The following SLC15A4 variants were observed in gnomAD, a reference collection of about 807,000 sequenced individuals.
SLC15A4 encodes the protein hPHT1.
Under a neutral mutation model 46.1 loss-of-function variants are expected in SLC15A4, and 26 were observed. The observed-to-expected ratio is 0.56, with a 90% CI of 0.41 to 0.78. SLC15A4 has a LOEUF of 0.78. SLC15A4 is among the 30% of genes least tolerant of loss of function. SLC15A4 has a pLI of 0.00. For missense variants in SLC15A4, 751 were observed against 755.7 expected, an observed-to-expected ratio of 0.99 and a Z score of 0.07; for synonymous variants, 370 against 333.4, an observed-to-expected ratio of 1.11 and a Z score of -1.20.
chr12:128,818,899 C>T (rs571186808), intron 1 of SLC15A4, among the ~76,000 whole-genome samples: 6 of 152,178 alleles, frequency 3.9e-5, no homozygotes, highest in Non-Finnish European at 5.9e-5. Flanking sequence ...TTCATGCAGC[C>T]GAATGTTTTC....
chr12:128,806,860 T>C (rs1955595263), intron 5 of SLC15A4, among the ~76,000 whole-genome samples: 1 of 150,708 alleles, frequency 6.6e-6, no homozygotes, highest in Admixed American at 6.6e-5. Flanking sequence ...CTGACTCCAG[T>C]CAGTACATAC....
In SLC15A4 at chr12:128,806,177, A is replaced by AAAAAAG. The variant is rs757730018; in HGVS notation, c.1258+2605_1258+2610dup. ...AGAGACTCTGTCTCAAAAAAAAAAA[A>AAAAAAG]AAAAAGAAAAACCTATTACAAAAAT... On this transcript the variant is annotated intron_variant, in intron 5 of 7. Coordinates refer to ENST00000266771, the MANE Select transcript of SLC15A4 (RefSeq NM_145648.4). 1.4e-3 allele frequency among the ~76,000 whole-genome samples: 207 copies of AAAAAAG among 151,516 alleles called. 3 individuals are homozygous for AAAAAAG. Among genetic ancestry groups the AAAAAAG allele is most frequent in the Non-Finnish European group, 2.7e-3 (182 of 67,812 alleles).
chr12:128,796,210 G>A (rs981386157), intron 7 of SLC15A4, among the ~76,000 whole-genome samples: 46 of 152,014 alleles, frequency 3.0e-4, no homozygotes, highest in Admixed American at 3.0e-3. Flanking sequence ...GATCAACTGA[G>A]GTCAGGAATT....
intron 1 of SLC15A4, 89 bp downstream of exon 1, chr12:128,823,309 G>T (rs1955876392): frequency 1.6e-6 from 2 of 1,237,626 alleles, no homozygotes; most frequent in Non-Finnish European, 2.1e-6. Flanking sequence ...TCCCTCCGCG[G>T]TCAGAGGCAG....
intron 7 of SLC15A4, among the ~76,000 whole-genome samples, chr12:128,798,818 C>A (rs1483789698): frequency 6.6e-6 from 1 of 152,202 alleles, no homozygotes; most frequent in Non-Finnish European, 1.5e-5. Flanking sequence ...TACTATCTAT[C>A]TTGTCTTTTT....
At chr12:128,819,230 C>T (rs914934545) in intron 1 of SLC15A4, among the ~76,000 whole-genome samples, 7 of 151,966 alleles carry the variant, frequency 4.6e-5, no homozygotes, top group African/African-American at 1.7e-4. Flanking sequence ...ATGGTGAAAC[C>T]CCGTCTCTAT....
chr12:128,808,727 A>G (rs560337859), intron 5 of SLC15A4, 61 bp downstream of exon 5: 4 of 1,567,678 alleles, frequency 2.6e-6, no homozygotes, highest in African/African-American at 2.7e-5. Context: ...TGAGCACTAT[A>G]TTCTGAATCC....
intron 5 of SLC15A4, among the ~76,000 whole-genome samples, chr12:128,806,955 G>A (rs1955597143): frequency 6.8e-6 from 1 of 147,562 alleles, no homozygotes; most frequent in Non-Finnish European, 1.5e-5. Context: ...CCAGGCTGGA[G>A]TGCAGTGGCG....
chr12:128,819,565 GCGGT>G (rs1020884331), intron 1 of SLC15A4: 1 of 152,102 alleles, frequency 6.6e-6, no homozygotes, highest in African/African-American at 2.4e-5. Context: ...TAGCTAATAG[GCGGT>G]CTACAAACTA....
At position 128,794,363 on chromosome 12, in the gene SLC15A4, A is replaced by G. The variant is rs771236307; in HGVS notation, c.1574-7T>C. The G allele has an allele frequency of 6.2e-7, 1 of 1,603,658 alleles. No individual in the cohort carries two copies. The highest frequency in any genetic ancestry group is 1.1e-5 in the South Asian group (1 of 90,370). On this transcript the variant is annotated splice_polypyrimidine_tract_variant and splice_region_variant and intron_variant, in intron 7 of 7. Coordinates refer to ENST00000266771, the MANE Select transcript of SLC15A4 (RefSeq NM_145648.4). Reference sequence around the variant, plus strand: ...TAGCAGCCGTTAATATTACCTGGAGAAAACAAAAGGAAAGCGGCAGGTAAG... The same window carrying G: ...TAGCAGCCGTTAATATTACCTGGAGGAAACAAAAGGAAAGCGGCAGGTAAG...
intron 2 of SLC15A4, among the ~76,000 whole-genome samples, chr12:128,810,835 C>T (rs1373659358): frequency 5.3e-5 from 8 of 152,172 alleles, no homozygotes; most frequent in African/African-American, 1.9e-4. Context: ...GGCCCTATTG[C>T]ACAGAGGAAG....
rs1593010779 is a variant in SLC15A4 at position 128,809,556 on chromosome 12, G to C, written c.1012-83C>G. On this transcript the variant is annotated intron_variant, in intron 3 of 7. Coordinates refer to ENST00000266771, the MANE Select transcript of SLC15A4 (RefSeq NM_145648.4). The stretch of plus-strand genomic sequence containing the variant: ...AGCATCCTGCCCCTCCCCTAAGCTA[G>C]ACTCAGATGCGACACACAGTGACTC... 10 of 808,082 alleles carry C rather than the reference G, an allele frequency of 1.2e-5. No homozygotes were observed. In the East Asian group the frequency reaches 2.0e-4, roughly 16 times the overall value. 50.1% of individuals were successfully genotyped at this position (808,082 alleles called of 1,614,324 possible).
At chr12:128,822,944 A>T (rs1188430253) in intron 1 of SLC15A4, among the ~76,000 whole-genome samples, 1 of 152,150 alleles carries the variant, frequency 6.6e-6, no homozygotes, top group East Asian at 1.9e-4. Flanking sequence ...CGAAACTCGT[A>T]GGCTCAAGGA....
In SLC15A4 at chr12:128,823,927, C is replaced by T; in HGVS notation, c.17G>A (p.Gly6Asp). The T allele has an allele frequency of 1.5e-6, 1 of 656,202 alleles. No individual in the cohort carries two copies. The highest frequency in any genetic ancestry group is 1.9e-6 in the Non-Finnish European group (1 of 531,060). The allele number at this position is 656,202 out of a possible 1,614,324, so 40.6% of individuals were successfully genotyped here. The stretch of plus-strand genomic sequence containing the variant: ...CAGCGGCGCCCGCTCGCCCGCACCG[C>T]CCCCAGAGCCCTCCATGCGACGCCG... MEGSG[G>D]GAGERAPLLG... The change falls in exon 1 of 8, where the codon GGC (glycine) becomes GAC (aspartate). Residue 6 changes from glycine to aspartate, a missense_variant. Gly to Asp is a moderately conservative substitution (Grantham distance 94). Coordinates refer to ENST00000266771, the MANE Select transcript of SLC15A4 (RefSeq NM_145648.4).
At chr12:128,816,894 T>C (rs373496041) in intron 1 of SLC15A4, among the ~76,000 whole-genome samples, 2 of 152,336 alleles carry the variant, frequency 1.3e-5, no homozygotes, top group East Asian at 3.9e-4. Context: ...TTTGATATGG[T>C]ATTTTAAACT....
At chr12:128,813,771 T>C (rs1955699223) in intron 2 of SLC15A4, 1 of 152,224 alleles carries the variant, frequency 6.6e-6, no homozygotes, top group Non-Finnish European at 1.5e-5. Context: ...ATGAGGGGAC[T>C]GACTACAAAA....
At chr12:128,810,234 A>G in intron 2 of SLC15A4, 123 bp from the exon 3 acceptor site, 1 of 860,196 alleles carries the variant, frequency 1.2e-6, no homozygotes, top group Non-Finnish European at 1.8e-6. Context: ...AACTCATTCC[A>G]TCACTTACTA....
rs1955407814 is a variant in SLC15A4 at position 128,793,487 on chromosome 12, C to A, written c.*709G>T. On this transcript the variant is annotated 3_prime_UTR_variant, in exon 8 of 8. Coordinates refer to ENST00000266771, the MANE Select transcript of SLC15A4 (RefSeq NM_145648.4). ...TCTGACTAGGTAAGGTGTGAAGTAC[C>A]CCGTGAGTTGCTCTGTGGCTTGAGA... 2.0e-5 allele frequency: 3 copies of A among 152,052 alleles called. No individual in the cohort carries two copies. Among genetic ancestry groups the A allele is most frequent in the African/African-American group, 7.2e-5 (3 of 41,402 alleles). 9.4% of individuals were successfully genotyped at this position (152,052 alleles called of 1,614,324 possible).
At chr12:128,812,043 G>C (rs7974764) in intron 2 of SLC15A4, among the ~76,000 whole-genome samples, 90,455 of 152,022 alleles carry the variant, frequency 0.6, 27,209 homozygotes, top group Non-Finnish European at 0.65. Flanking sequence ...GCCGCATGTA[G>C]GTGTGTGTAT....
Sources: allele counts gnomAD v4.1 joint callset (sites outside exome capture counted in the v4.1 genomes callset), GRCh38; gene constraint gnomAD v4.1.1; transcripts MANE v1.5; gene names NCBI Gene and HGNC (gene_info 2026-07-23, HGNC 2026-07-21).